The following ADARB2 variants were observed in gnomAD, a reference collection of about 807,000 sequenced individuals.
ADARB2 encodes inactive double-stranded RNA-specific editase B2.
In ADARB2, 25 loss-of-function variants were observed where a neutral mutation model predicts 62.2. The ratio of observed to expected loss-of-function variants is 0.40; its 90% CI spans 0.29 to 0.56. ADARB2 has a LOEUF of 0.56. ADARB2 is among the 20% of genes least tolerant of loss of function. The pLI is 0.43. For synonymous variants in ADARB2, 572 were observed against 500.8 expected (o/e 1.14, Z -1.90); for missense variants, 1,071 against 1,077.4 (o/e 0.99, Z 0.08).
intron 3 of ADARB2, among the ~76,000 whole-genome samples, chr10:1,301,741 CTG>C (rs1831575206): frequency 6.6e-6 from 1 of 152,236 alleles, no homozygotes; most frequent in Non-Finnish European, 1.5e-5. Context: ...GCTAACACCT[CTG>C]GTATAATCCT....
At chr10:1,555,037 T>C (rs933315693) in intron 1 of ADARB2, among the ~76,000 whole-genome samples, 3 of 152,206 alleles carry the variant, frequency 2.0e-5, no homozygotes, top group Non-Finnish European at 4.4e-5. Flanking sequence ...GCATCCATGT[T>C]TTGGCAAAGG....
chr10:1,533,849 T>A (rs897642413), intron 1 of ADARB2, among the ~76,000 whole-genome samples: 1 of 152,184 alleles, frequency 6.6e-6, no homozygotes, highest in Non-Finnish European at 1.5e-5. Flanking sequence ...GGGACCCTCA[T>A]GGCCCCAAGG....
At chr10:1,395,788 G>A (rs529941943) in intron 1 of ADARB2, among the ~76,000 whole-genome samples, 1 of 152,352 alleles carries the variant, frequency 6.6e-6, no homozygotes, top group Admixed American at 6.5e-5. Context: ...TCCTGTGATG[G>A]CCAGGCTCGG....
intron 1 of ADARB2, among the ~76,000 whole-genome samples, chr10:1,729,249 A>T (rs555917666): frequency 1.3e-5 from 2 of 152,368 alleles, no homozygotes; most frequent in South Asian, 2.1e-4. Flanking sequence ...TAATAAAACA[A>T]ATCATTTGTA....
At chr10:1,463,288 C>T (rs1276929452) in intron 1 of ADARB2, among the ~76,000 whole-genome samples, 1 of 152,152 alleles carries the variant, frequency 6.6e-6, no homozygotes, top group African/African-American at 2.4e-5. Context: ...GCTATTCCAG[C>T]ACTTGTCACA....
intron 1 of ADARB2, among the ~76,000 whole-genome samples, chr10:1,643,534 A>G (rs1834002253): frequency 6.6e-6 from 1 of 152,188 alleles, no homozygotes; most frequent in South Asian, 2.1e-4. Context: ...CAAAAGCAAC[A>G]GTGACGTCAG....
intron 3 of ADARB2, among the ~76,000 whole-genome samples, chr10:1,339,122 G>A (rs990963990): frequency 6.6e-6 from 1 of 152,216 alleles, no homozygotes; most frequent in East Asian, 1.9e-4. Flanking sequence ...TAGCCGGGTT[G>A]CTCGGCCACG....
chr10:1,535,532 G>C (rs1832320243), intron 1 of ADARB2: 1 of 166,954 alleles, frequency 6.0e-6, no homozygotes, highest in Non-Finnish European at 1.5e-5. Flanking sequence ...ATTTGTCTTT[G>C]GAAATTGTAA....
chr10:1,382,120 T>C (rs1456380548), intron 1 of ADARB2, among the ~76,000 whole-genome samples: 1 of 152,046 alleles, frequency 6.6e-6, no homozygotes, highest in Non-Finnish European at 1.5e-5. Context: ...CAACTTTTAT[T>C]TGTCAAATAA....
At chr10:1,602,815 C>A (rs1294998034) in intron 1 of ADARB2, among the ~76,000 whole-genome samples, 2 of 151,104 alleles carry the variant, frequency 1.3e-5, no homozygotes, top group Admixed American at 6.6e-5. Context: ...ACCTGTACAT[C>A]CACACACATA....
intron 1 of ADARB2, among the ~76,000 whole-genome samples, chr10:1,382,780 G>A (rs1399131804): frequency 6.7e-6 from 1 of 149,042 alleles, no homozygotes; most frequent in African/African-American, 2.5e-5. Flanking sequence ...GGCTCCCCAC[G>A]CTACCGCCGC....
At chr10:1,464,151 G>A (rs371601424) in intron 1 of ADARB2, among the ~76,000 whole-genome samples, 2 of 150,934 alleles carry the variant, frequency 1.3e-5, no homozygotes, top group African/African-American at 2.5e-5. Context: ...CCCCACACAC[G>A]CGCGGGGGGC....
Position 1,444,911 on chromosome 10 carries a change from C to T in ADARB2, c.101-65751G>A, listed in dbSNP as rs116451991. 7.2e-3 allele frequency among the ~76,000 whole-genome samples: 1,066 copies of T among 147,932 alleles called. 18 individuals carry two copies. Among genetic ancestry groups the T allele is most frequent in the African/African-American group, 0.024 (956 of 40,156 alleles). On this transcript the variant is annotated intron_variant, in intron 1 of 9. Coordinates refer to ENST00000381312, the MANE Select transcript of ADARB2 (RefSeq NM_018702.4). Reference sequence around the variant, plus strand: ...CCCACCCATCCATCCACTGACCATCCGTCTACATTCTCCTTCCATCTATCA... The same window carrying T: ...CCCACCCATCCATCCACTGACCATCTGTCTACATTCTCCTTCCATCTATCA...
In ADARB2 at chr10:1,433,028, C is replaced by CA. The variant is rs1233366246; in HGVS notation, c.101-53869dup. On this transcript the variant is annotated intron_variant, in intron 1 of 9. Coordinates refer to ENST00000381312, the MANE Select transcript of ADARB2 (RefSeq NM_018702.4). ...CCTTAAAAAGAAAAAACTAACAAGCCAAAAAAATCTCCCATTTTCTAAAAA... is the reference window on the plus strand; with the variant it reads ...CCTTAAAAAGAAAAAACTAACAAGCCAAAAAAAATCTCCCATTTTCTAAAAA... Among the ~76,000 whole-genome samples the CA allele has an allele frequency of 2.6e-5, 4 of 151,910 alleles. No homozygotes were observed. The East Asian group carries it at 7.7e-4, about 29-fold the overall frequency.
chr10:1,203,477 T>C (rs1564218911), intron 7 of ADARB2, among the ~76,000 whole-genome samples: 1 of 152,242 alleles, frequency 6.6e-6, no homozygotes, highest in Non-Finnish European at 1.5e-5. Context: ...AGTAACTCTC[T>C]AAAGTTACAT....
chr10:1,650,247 A>T (rs1005633839), intron 1 of ADARB2, among the ~76,000 whole-genome samples: 1 of 152,188 alleles, frequency 6.6e-6, no homozygotes, highest in Admixed American at 6.5e-5. Flanking sequence ...GGGGTAAGAA[A>T]TTCTTCAGTG....
intron 1 of ADARB2, among the ~76,000 whole-genome samples, chr10:1,713,135 C>T (rs917048693): frequency 1.3e-5 from 2 of 152,118 alleles, no homozygotes; most frequent in Admixed American, 1.3e-4. Flanking sequence ...AGACATGGGG[C>T]GCCTGGAGGG....
At chr10:1,560,472 C>CGGGTTGGATTGGAGAGTTCTCCTCCAGCA (rs1564330733) in intron 1 of ADARB2, among the ~76,000 whole-genome samples, 1 of 149,902 alleles carries the variant, frequency 6.7e-6, no homozygotes, top group Admixed American at 6.6e-5. Context: ...ACACGGGGGG[C>CGGGTTGGATTGGAGAGTTCTCCTCCAGCA]ACCCTGGGTC....
chr10:1,240,701 C>T (rs1029473024), intron 5 of ADARB2, among the ~76,000 whole-genome samples: 1 of 152,210 alleles, frequency 6.6e-6, no homozygotes, highest in Non-Finnish European at 1.5e-5. Flanking sequence ...GCGTCGGGTG[C>T]ACCTGTCTGT....
Sources: allele counts gnomAD v4.1 joint callset (sites outside exome capture counted in the v4.1 genomes callset), GRCh38; gene constraint gnomAD v4.1.1; transcripts MANE v1.5; gene names NCBI Gene and HGNC (gene_info 2026-07-23, HGNC 2026-07-21).